Variants in AUTS2 observed in about 807,000 individuals in gnomAD.
AUTS2 encodes the protein activator of transcription and developmental regulator AUTS2, also known as autism susceptibility gene 2 protein.
Under a neutral mutation model 112.4 loss-of-function variants are expected in AUTS2, and 17 were observed. The ratio of observed to expected loss-of-function variants is 0.15; its 90% CI spans 0.10 to 0.23. The LOEUF (loss-of-function observed/expected upper bound fraction) is 0.23, where lower values mean the gene tolerates loss of function less well. Ranked by LOEUF, AUTS2 falls within the 10% of genes least tolerant of loss-of-function variation. The pLI is 1.00. For missense variants in AUTS2, 1,510 were observed against 1,701.6 expected (o/e 0.89, Z 1.98); for synonymous variants, 751 against 702.7 (o/e 1.07, Z -1.09).
rs183256095 is a variant in AUTS2 at position 69,656,245 on chromosome 7, C to T, written c.309+56283C>T. 3.9e-3 allele frequency among the ~76,000 whole-genome samples: 597 copies of T among 152,246 alleles called. 4 individuals carry two copies. The highest frequency in any genetic ancestry group is 0.011 in the South Asian group (54 of 4,822). ...ATTTCACAGCCATTAGGAATCTTGACGCAGCTGACCCCTAGATCTCCTGGA... is the reference window on the plus strand; with the variant it reads ...ATTTCACAGCCATTAGGAATCTTGATGCAGCTGACCCCTAGATCTCCTGGA... On this transcript the variant is annotated intron_variant, in intron 1 of 18. Coordinates refer to ENST00000342771, the MANE Select transcript of AUTS2 (RefSeq NM_015570.4).
intron 5 of AUTS2, among the ~76,000 whole-genome samples, chr7:70,580,430 T>G (rs1445288896): frequency 1.3e-5 from 2 of 151,746 alleles, no homozygotes; most frequent in African/African-American, 2.4e-5. Context: ...GTCAAAAGGG[T>G]GGATGAAGTA....
At position 69,948,273 on chromosome 7, in the gene AUTS2, C is replaced by A. The variant is rs535363184; in HGVS notation, c.522+48775C>A. On this transcript the variant is annotated intron_variant, in intron 2 of 18. Coordinates refer to ENST00000342771, the MANE Select transcript of AUTS2 (RefSeq NM_015570.4). The stretch of plus-strand genomic sequence containing the variant: ...CCAAATAACTTCACACAGTGAATTG[C>A]AACCCACTCAATCCACTTCACTGGA... Among the ~76,000 whole-genome samples the A allele has an allele frequency of 2.6e-3, 389 of 152,288 alleles. 1 individual carries two copies. The highest frequency in any genetic ancestry group is 0.01 in the Middle Eastern group (3 of 294).
rs141603729 is a variant in AUTS2, at chr7:69,884,311, A to G, written c.310-14975A>G. On this transcript the variant is annotated intron_variant, in intron 1 of 18. Coordinates refer to ENST00000342771, the MANE Select transcript of AUTS2 (RefSeq NM_015570.4). ...GAAAGCATTCTTACTGCTTTCAGCA[A>G]ATCTATGTGCCTTATGTTTTTATAT... Among the ~76,000 whole-genome samples the G allele has an allele frequency of 5.3e-3, 810 of 152,338 alleles. 5 individuals are homozygous for G. The highest frequency in any genetic ancestry group is 5.4e-3 in the Non-Finnish European group (367 of 68,022).
chr7:70,635,189 G>A (rs1261883669), intron 5 of AUTS2, among the ~76,000 whole-genome samples: 4 of 152,136 alleles, frequency 2.6e-5, no homozygotes, highest in Non-Finnish European at 5.9e-5. Flanking sequence ...GGCATTGCTC[G>A]ACAGGGCATC....
intron 4 of AUTS2, among the ~76,000 whole-genome samples, chr7:70,328,228 CTTGT>C (rs1329824967): frequency 1.3e-5 from 2 of 151,912 alleles, no homozygotes; most frequent in African/African-American, 4.8e-5. Context: ...TGTGGTTTTG[CTTGT>C]TTGTTTTGAG....
At chr7:69,693,547 G>A (rs993590002) in intron 1 of AUTS2, among the ~76,000 whole-genome samples, 5 of 152,172 alleles carry the variant, frequency 3.3e-5, no homozygotes, top group African/African-American at 1.2e-4. Flanking sequence ...TTCAAGGACT[G>A]GAACCTTTTC....
intron 1 of AUTS2, among the ~76,000 whole-genome samples, chr7:69,842,472 CCTGTAGCTTATT>C (rs1189157926): frequency 6.6e-6 from 1 of 152,170 alleles, no homozygotes; most frequent in Non-Finnish European, 1.5e-5. Flanking sequence ...TCTGAAGTCT[CCTGTAGCTTATT>C]CTGATGTTAT....
At chr7:70,206,750 G>A (rs539206787) in intron 4 of AUTS2, among the ~76,000 whole-genome samples, 1 of 152,088 alleles carries the variant, frequency 6.6e-6, no homozygotes, top group Non-Finnish European at 1.5e-5. Context: ...TAGCCAAGTG[G>A]TTATATCAGA....
chr7:69,953,568 C>T (rs531319224), intron 2 of AUTS2, among the ~76,000 whole-genome samples: 21 of 152,156 alleles, frequency 1.4e-4, no homozygotes, highest in Non-Finnish European at 5.9e-5. Flanking sequence ...TGTTCGGCAG[C>T]TGGAATGCTC....
At chr7:69,958,338 C>T (rs1797299348) in intron 2 of AUTS2, among the ~76,000 whole-genome samples, 2 of 152,108 alleles carry the variant, frequency 1.3e-5, no homozygotes, top group Admixed American at 1.3e-4. Flanking sequence ...TACTTTCTGG[C>T]CCTTTACTGA....
intron 5 of AUTS2, among the ~76,000 whole-genome samples, chr7:70,610,423 C>CTTTTT (rs3054735): frequency 6.5e-5 from 5 of 77,440 alleles, no homozygotes; most frequent in Admixed American, 5.9e-4. Flanking sequence ...TAGCGCTCAT[C>CTTTTT]TTTTTTTTTT....
chr7:70,510,759 G>A (rs567469547), intron 5 of AUTS2, among the ~76,000 whole-genome samples: 1 of 152,196 alleles, frequency 6.6e-6, no homozygotes, highest in South Asian at 2.1e-4. Context: ...TTATAAAAAT[G>A]TATTTAACAG....
At chr7:70,688,923 C>T (rs1051957870) in intron 5 of AUTS2, among the ~76,000 whole-genome samples, 14 of 152,224 alleles carry the variant, frequency 9.2e-5, no homozygotes, top group African/African-American at 3.4e-4. Context: ...TTTAACATGT[C>T]TAAATGACAT....
intron 4 of AUTS2, among the ~76,000 whole-genome samples, chr7:70,301,447 G>A (rs910267790): frequency 2.0e-5 from 3 of 151,706 alleles, no homozygotes; most frequent in African/African-American, 7.3e-5. Flanking sequence ...GCATAGTTTA[G>A]GAGTTTTTTG....
chr7:70,750,389 A>C (rs1352060903), intron 6 of AUTS2, among the ~76,000 whole-genome samples: 1 of 145,402 alleles, frequency 6.9e-6, no homozygotes, highest in Non-Finnish European at 1.5e-5. Flanking sequence ...AGTGGCATTG[A>C]TTACAGCTCA....
At chr7:70,395,290 A>T (rs746841128) in intron 4 of AUTS2, among the ~76,000 whole-genome samples, 1 of 152,072 alleles carries the variant, frequency 6.6e-6, no homozygotes, top group Admixed American at 6.5e-5. Context: ...TGTAATCCCA[A>T]TGCTTTGGGA....
chr7:69,607,452 T>A (rs891361694), intron 1 of AUTS2, among the ~76,000 whole-genome samples: 2 of 152,202 alleles, frequency 1.3e-5, no homozygotes, highest in Non-Finnish European at 2.9e-5. Context: ...ACGCAGAAAT[T>A]CAAAAATTTT....
At chr7:70,146,000 C>A (rs1205869258) in intron 4 of AUTS2, among the ~76,000 whole-genome samples, 1 of 152,082 alleles carries the variant, frequency 6.6e-6, no homozygotes, top group African/African-American at 2.4e-5. Context: ...AGTCTAAAAT[C>A]ACTTGTTATT....
chr7:69,908,609 T>TCACAGCTCTG (rs1795238679), intron 2 of AUTS2, among the ~76,000 whole-genome samples: 1 of 152,178 alleles, frequency 6.6e-6, no homozygotes, highest in Non-Finnish European at 1.5e-5. Flanking sequence ...CATTCATTGA[T>TCACAGCTCTG]CACAGCTCTG....
Sources: gnomAD v4.1 joint callset for allele counts (sites outside exome capture counted in the v4.1 genomes callset) on GRCh38, gnomAD v4.1.1 for gene constraint, MANE v1.5 for transcripts, NCBI Gene and HGNC (gene_info 2026-07-23, HGNC 2026-07-21) for gene names.